The following SMYD3 variants were observed in gnomAD, a reference collection of about 807,000 sequenced individuals.
The protein encoded by SMYD3 is SET and MYND domain containing 3.
In SMYD3, 36 loss-of-function variants were observed where a neutral mutation model predicts 57.7. The ratio of observed to expected loss-of-function variants is 0.62; its 90% CI spans 0.48 to 0.82. The LOEUF (loss-of-function observed/expected upper bound fraction) is 0.82. SMYD3 is among the 40% of genes least tolerant of loss of function. SMYD3 has a pLI of 0.00. For missense variants in SMYD3, 515 were observed against 538.8 expected (o/e 0.96, Z 0.44); for synonymous variants, 211 against 195.0 (o/e 1.08, Z -0.68).
chr1:246,064,163 G>C (rs571407300), intron 5 of SMYD3, among the ~76,000 whole-genome samples: 2 of 151,982 alleles, frequency 1.3e-5, no homozygotes, highest in Non-Finnish European at 2.9e-5. Flanking sequence ...TCTCTTGCTC[G>C]CATCACTGCC....
At chr1:246,418,655 C>T (rs776746780) in intron 1 of SMYD3, among the ~76,000 whole-genome samples, 6 of 152,174 alleles carry the variant, frequency 3.9e-5, no homozygotes, top group Non-Finnish European at 8.8e-5. Flanking sequence ...TAAAGTAGCT[C>T]TCAGCAGATG....
intron 8 of SMYD3, among the ~76,000 whole-genome samples, chr1:245,901,614 T>C (rs1390358082): frequency 6.6e-6 from 1 of 150,908 alleles, no homozygotes; most frequent in Non-Finnish European, 1.5e-5. Flanking sequence ...ATCATCAAGA[T>C]GGCTGACTAG....
chr1:246,030,743 A>G (rs1353453256), intron 5 of SMYD3, among the ~76,000 whole-genome samples: 1 of 152,230 alleles, frequency 6.6e-6, no homozygotes, highest in East Asian at 1.9e-4. Context: ...CACATAGATC[A>G]TAAATACAAA....
chr1:246,069,524 A>G (rs2060405732), intron 5 of SMYD3, among the ~76,000 whole-genome samples: 1 of 152,242 alleles, frequency 6.6e-6, no homozygotes, highest in African/African-American at 2.4e-5. Context: ...GAGATTAAAC[A>G]TAAGTTCCTA....
chr1:245,749,751 C>A, intron 11 of SMYD3, 87 bp from the exon 12 acceptor site: 1 of 966,972 alleles, frequency 1.0e-6, no homozygotes, highest in Non-Finnish European at 1.6e-6. Flanking sequence ...TGCCAGGGGC[C>A]TGGTGAACCC....
intron 1 of SMYD3, among the ~76,000 whole-genome samples, chr1:246,438,112 C>T (rs2067407811): frequency 6.6e-6 from 1 of 152,140 alleles, no homozygotes; most frequent in African/African-American, 2.4e-5. Context: ...ATTGATCTTT[C>T]CCATCTGCTA....
intron 8 of SMYD3, among the ~76,000 whole-genome samples, chr1:245,892,303 T>C (rs573098859): frequency 6.6e-6 from 1 of 152,344 alleles, no homozygotes; most frequent in African/African-American, 2.4e-5. Context: ...TAATAATGGC[T>C]ACCATTACCA....
chr1:246,232,462 A>G (rs181423107), intron 5 of SMYD3, among the ~76,000 whole-genome samples: 1 of 151,950 alleles, frequency 6.6e-6, no homozygotes, highest in African/African-American at 2.4e-5. Context: ...AGAGAGGAGA[A>G]GCACTCCTTC....
At chr1:245,993,266 C>A (rs2058845703) in intron 5 of SMYD3, among the ~76,000 whole-genome samples, 1 of 152,156 alleles carries the variant, frequency 6.6e-6, no homozygotes, top group South Asian at 2.1e-4. Context: ...TTTGCCAAAG[C>A]CTCACCATTA....
At chr1:246,380,599 C>T (rs1193422121) in intron 1 of SMYD3, among the ~76,000 whole-genome samples, 1 of 152,200 alleles carries the variant, frequency 6.6e-6, no homozygotes, top group Non-Finnish European at 1.5e-5. Context: ...CACTAAGAGT[C>T]TTTTTGTACC....
intron 11 of SMYD3, among the ~76,000 whole-genome samples, chr1:245,761,886 A>G (rs1398258922): frequency 6.7e-6 from 1 of 150,098 alleles, no homozygotes; most frequent in East Asian, 1.9e-4. Flanking sequence ...CCTGGGTTAA[A>G]GCGATTCTCT....
intron 5 of SMYD3, among the ~76,000 whole-genome samples, chr1:246,299,037 G>C (rs555865163): frequency 1.3e-5 from 2 of 152,078 alleles, no homozygotes; most frequent in Non-Finnish European, 2.9e-5. Context: ...ATATATATTA[G>C]AGCACAACCT....
intron 11 of SMYD3, among the ~76,000 whole-genome samples, chr1:245,752,308 G>A (rs1391338703): frequency 3.3e-5 from 5 of 152,170 alleles, no homozygotes; most frequent in Non-Finnish European, 7.4e-5. Flanking sequence ...GCTCGGCCTC[G>A]CCTCCCTCCC....
chr1:246,282,112 T>C (rs1454917599), intron 5 of SMYD3, among the ~76,000 whole-genome samples: 2 of 152,042 alleles, frequency 1.3e-5, no homozygotes, highest in Non-Finnish European at 2.9e-5. Context: ...TTTACTTATA[T>C]AGATCATGGC....
At chr1:246,286,925 G>A (rs185022616) in intron 5 of SMYD3, among the ~76,000 whole-genome samples, 14 of 149,534 alleles carry the variant, frequency 9.4e-5, no homozygotes, top group African/African-American at 3.2e-4. Flanking sequence ...ATGTTGGAGT[G>A]CAGTGACGGA....
At chr1:246,128,802 T>G (rs2061544982) in intron 5 of SMYD3, among the ~76,000 whole-genome samples, 1 of 151,914 alleles carries the variant, frequency 6.6e-6, no homozygotes, top group Non-Finnish European at 1.5e-5. Flanking sequence ...GCTTTTTTGG[T>G]TTTGTTTTGT....
intron 11 of SMYD3, among the ~76,000 whole-genome samples, chr1:245,759,771 A>G (rs914819694): frequency 6.6e-6 from 1 of 152,164 alleles, no homozygotes; most frequent in Non-Finnish European, 1.5e-5. Context: ...TTAAATACAG[A>G]TTTTTTTAAA....
At chr1:245,910,360 G>A (rs1034088927) in intron 8 of SMYD3, among the ~76,000 whole-genome samples, 1 of 152,126 alleles carries the variant, frequency 6.6e-6, no homozygotes, top group Admixed American at 6.5e-5. Context: ...TAAAATGACC[G>A]TTCTATCCAA....
chr1:245,839,016 C>G (rs1389713078), intron 10 of SMYD3, among the ~76,000 whole-genome samples: 1 of 152,192 alleles, frequency 6.6e-6, no homozygotes, highest in Non-Finnish European at 1.5e-5. Flanking sequence ...GCACTAGCCC[C>G]TCTCAGGGCT....
Sources: allele counts gnomAD v4.1 joint callset (sites outside exome capture counted in the v4.1 genomes callset), GRCh38; gene constraint gnomAD v4.1.1; transcripts MANE v1.5; gene names NCBI Gene and HGNC (gene_info 2026-07-23, HGNC 2026-07-21).